Variants in DNMT3B observed in about 807,000 individuals in gnomAD.
DNMT3B encodes DNA (cytosine-5)-methyltransferase 3B.
DNMT3B carries 37 observed loss-of-function variants against 120.2 expected under a neutral mutation model. The ratio of observed to expected loss-of-function variants is 0.31; its 90% CI spans 0.24 to 0.40. The LOEUF (loss-of-function observed/expected upper bound fraction) is 0.40. DNMT3B is among the 10% of genes least tolerant of loss of function. DNMT3B has a pLI of 1.00. For synonymous variants in DNMT3B, 412 were observed against 442.8 expected, an observed-to-expected ratio of 0.93 and a Z score of 0.87; for missense variants, 878 against 1,137.3, an observed-to-expected ratio of 0.77 and a Z score of 3.28.
At chr20:32,804,108 T>C (rs1177214492) in intron 20 of DNMT3B, among the ~76,000 whole-genome samples, 1 of 152,098 alleles carries the variant, frequency 6.6e-6, no homozygotes, top group African/African-American at 2.4e-5. Flanking sequence ...AGATTCAACA[T>C]ATGTGGAGGG....
At chr20:32,780,511 T>C (rs4571133) in intron 2 of DNMT3B, 46 bp downstream of exon 2, 101 of 1,602,602 alleles carry the variant, frequency 6.3e-5, no homozygotes, top group Non-Finnish European at 8.2e-5. Context: ...GCTGACATAG[T>C]GAGCGGTCAC....
chr20:32,775,950 G>A (rs148674259), intron 1 of DNMT3B, among the ~76,000 whole-genome samples: 2 of 152,310 alleles, frequency 1.3e-5, no homozygotes, highest in East Asian at 1.9e-4. Context: ...TAAAGGAGGT[G>A]GCAGACAGGC....
intron 20 of DNMT3B, among the ~76,000 whole-genome samples, chr20:32,803,004 G>A (rs141459989): frequency 3.9e-5 from 6 of 152,228 alleles, no homozygotes; most frequent in East Asian, 1.9e-4. Flanking sequence ...TGTTGTTACC[G>A]GTGCCTTTCC....
chr20:32,779,900 C>A, intron 1 of DNMT3B: 4 of 625,238 alleles, frequency 6.4e-6, no homozygotes, highest in Non-Finnish European at 1.1e-5. Context: ...AATGCACTGG[C>A]TTCCTGAGCC....
Position 32,778,610 on chromosome 20 carries a change from G to A in DNMT3B, c.-6-1708G>A, listed in dbSNP as rs563713375. ...TGCACCTCTGCCTGGGGGCGCCACT[G>A]GGCTCATCAGACTGAGCTCACGGTG... On this transcript the variant is annotated intron_variant, in intron 1 of 22. Coordinates refer to ENST00000328111, the MANE Select transcript of DNMT3B (RefSeq NM_006892.4). Among the ~76,000 whole-genome samples the A allele has an allele frequency of 1.7e-3, 257 of 152,314 alleles. 1 individual carries two copies. Among genetic ancestry groups the A allele is most frequent in the African/African-American group, 5.8e-3 (242 of 41,572 alleles).
chr20:32,765,660 A>T (rs1484016579), intron 1 of DNMT3B, among the ~76,000 whole-genome samples: 1 of 148,980 alleles, frequency 6.7e-6, no homozygotes, highest in Admixed American at 6.7e-5. Context: ...ACCTCAAGTG[A>T]TTCACCCGCC....
At chr20:32,767,282 C>G (rs1470919995) in intron 1 of DNMT3B, among the ~76,000 whole-genome samples, 1 of 150,528 alleles carries the variant, frequency 6.6e-6, no homozygotes, top group Non-Finnish European at 1.5e-5. Flanking sequence ...GTTTAGTGTT[C>G]CCTCGTGTTC....
intron 1 of DNMT3B, among the ~76,000 whole-genome samples, chr20:32,766,644 G>A (rs1306346350): frequency 1.3e-5 from 2 of 152,082 alleles, no homozygotes; most frequent in African/African-American, 4.8e-5. Context: ...CCAGGTTGGA[G>A]CGCAGTGGCG....
chr20:32,762,482 C>T lies in DNMT3B; in HGVS notation c.-224C>T. ...CCGCGTGGACGCTCCGAGCGCCCCC[C>T]GACGGACGGGACCGGCTCCCTGGCG... On this transcript the variant is annotated 5_prime_UTR_variant, in exon 1 of 23. Transcript: ENST00000328111. 1 of 203,188 alleles carries T rather than the reference C, an allele frequency of 4.9e-6. No individual in the cohort carries two copies. Among genetic ancestry groups the T allele is most frequent in the South Asian group, 5.9e-5 (1 of 17,082 alleles). The allele number at this position is 203,188 out of a possible 1,614,324, so 12.6% of individuals were successfully genotyped here.
In DNMT3B at chr20:32,762,440, G is replaced by T. The variant is rs1338995935; in HGVS notation, c.-266G>T. On this transcript the variant is annotated 5_prime_UTR_variant, in exon 1 of 23. Coordinates refer to ENST00000328111, the MANE Select transcript of DNMT3B (RefSeq NM_006892.4). ...CCGCTTCCTCGCAGCAGCTGCTCCC[G>T]GCTCCGCGGCCGCAGCCCGCGTGGA... 1 of 158,814 alleles carries T rather than the reference G, an allele frequency of 6.3e-6. No homozygotes were observed. The highest frequency in any genetic ancestry group is 1.4e-5 in the Non-Finnish European group (1 of 73,448). The allele number at this position is 158,814 out of a possible 1,614,324, so 9.8% of individuals were successfully genotyped here.
chr20:32,775,661 C>T (rs1988031221), intron 1 of DNMT3B, among the ~76,000 whole-genome samples: 1 of 152,270 alleles, frequency 6.6e-6, no homozygotes. Flanking sequence ...CACCTCTCAT[C>T]ACAAGGTTAG....
intron 22 of DNMT3B, 130 bp from the exon 23 acceptor site, chr20:32,807,632 A>G: frequency 1.5e-6 from 2 of 1,361,550 alleles, no homozygotes; most frequent in East Asian, 2.3e-5. Context: ...CTCTGAATTT[A>G]GGTCCTTGGG....
intron 14 of DNMT3B, 107 bp downstream of exon 14, chr20:32,797,406 A>G (rs959652585): frequency 5.4e-6 from 6 of 1,119,196 alleles, no homozygotes; most frequent in Non-Finnish European, 7.8e-6. Context: ...GCATGGGAAT[A>G]GGGAGCTAAT....
rs754572639 is a variant in DNMT3B at position 32,787,462 on chromosome 20, G to A, written c.654+11G>A. On this transcript the variant is annotated intron_variant, in intron 6 of 22. Coordinates refer to ENST00000328111, the MANE Select transcript of DNMT3B (RefSeq NM_006892.4). ...AGTTCAGAGTATCAGGTATGGCCGA[G>A]AGGGGCTCCTGCCCAGGGTGACTGA... 3.1e-6 allele frequency: 5 copies of A among 1,611,288 alleles called. No individual in the cohort carries two copies. In the Admixed American group the frequency reaches 8.4e-5, roughly 27 times the overall value.
At chr20:32,780,001 A>G (rs1387663814) in intron 1 of DNMT3B, 12 of 1,399,224 alleles carry the variant, frequency 8.6e-6, no homozygotes, top group African/African-American at 1.4e-5. Context: ...CCTAAATGGC[A>G]TTGTTTGAAG....
At chr20:32,805,277 T>C in intron 20 of DNMT3B, 61 bp from the exon 21 acceptor site, 1 of 1,604,860 alleles carries the variant, frequency 6.2e-7, no homozygotes, top group Non-Finnish European at 8.5e-7. Context: ...CACTCCCACC[T>C]TGTGCCTAGC....
chr20:32,803,693 A>AG (rs777323016), intron 20 of DNMT3B, among the ~76,000 whole-genome samples: 5 of 152,274 alleles, frequency 3.3e-5, no homozygotes, highest in Non-Finnish European at 7.4e-5. Context: ...TCCTAAGTGA[A>AG]GGGATGGACC....
chr20:32,783,350 C>T (rs6058887), intron 3 of DNMT3B, among the ~76,000 whole-genome samples: 14,460 of 152,218 alleles, frequency 0.095, 2,176 homozygotes, highest in African/African-American at 0.32. Context: ...ACAATTATAT[C>T]TTCTAAGACT....
chr20:32,788,771 C>T, intron 6 of DNMT3B, 83 bp from the exon 7 acceptor site: 1 of 1,559,158 alleles, frequency 6.4e-7, no homozygotes, highest in Non-Finnish European at 8.8e-7. Context: ...CTTTTTGTTG[C>T]CCTCAGGGAC....
Sources: allele counts gnomAD v4.1 joint callset (sites outside exome capture counted in the v4.1 genomes callset), GRCh38; gene constraint gnomAD v4.1.1; transcripts MANE v1.5; gene names NCBI Gene and HGNC (gene_info 2026-07-23, HGNC 2026-07-21).